The following HDAC8 variants were observed in gnomAD, a reference collection of about 807,000 sequenced individuals.
HDAC8 encodes histone deacetylase 8.
HDAC8 carries 1 observed loss-of-function variant against 32.2 expected under a neutral mutation model. That is an observed-to-expected ratio of 0.03 (90% CI 0.01 to 0.15). HDAC8 has a LOEUF of 0.15. Ranked by LOEUF, HDAC8 falls within the 10% of genes least tolerant of loss-of-function variation. HDAC8 has a pLI of 1.00. For missense variants in HDAC8, 117 were observed against 300.0 expected, an observed-to-expected ratio of 0.39 and a Z score of 4.51; for synonymous variants, 108 against 113.9, an observed-to-expected ratio of 0.95 and a Z score of 0.33.
chrX:72,330,746 T>C, intron 10 of HDAC8: 1 of 112,985 alleles, frequency 8.9e-6, no homozygotes, highest in Non-Finnish European at 1.9e-5. Context: ...AACACTGGGC[T>C]CCAAACCCTA....
At chrX:72,453,708 C>A (rs1555988701) in intron 9 of HDAC8, among the ~76,000 whole-genome samples, 1 of 111,418 alleles carries the variant, frequency 9.0e-6, no homozygotes, top group African/African-American at 3.3e-5. Context: ...CAATGCATCT[C>A]AGACAGGATA....
chrX:72,439,639 CAAA>C (rs782744436), intron 9 of HDAC8, among the ~76,000 whole-genome samples: 4 of 36,218 alleles, frequency 1.1e-4, no homozygotes, highest in Non-Finnish European at 1.7e-4. Flanking sequence ...AAATGGAAAG[CAAA>C]AAAAAAAAAA....
intron 9 of HDAC8, among the ~76,000 whole-genome samples, chrX:72,401,401 A>AT (rs1370442572): frequency 8.2e-5 from 9 of 110,383 alleles, no homozygotes; most frequent in East Asian, 2.8e-4. Context: ...TGCCCAGCTA[A>AT]TTTTTTTTGT....
At chrX:72,441,827 G>A (rs1360703781) in intron 9 of HDAC8, among the ~76,000 whole-genome samples, 2 of 111,846 alleles carry the variant, frequency 1.8e-5, no homozygotes, top group African/African-American at 6.5e-5. Flanking sequence ...AACCAATACA[G>A]AGAAGTGTTT....
At chrX:72,465,467 GTCAAT>G (rs1438043788) in intron 7 of HDAC8, among the ~76,000 whole-genome samples, 1 of 109,222 alleles carries the variant, frequency 9.2e-6, no homozygotes, top group African/African-American at 3.3e-5. Context: ...AAAGGAAGAT[GTCAAT>G]GTGACAGATG....
chrX:72,532,249 A>ATTTTTT (rs34829256), intron 4 of HDAC8, among the ~76,000 whole-genome samples: 28 of 54,190 alleles, frequency 5.2e-4, no homozygotes, highest in Non-Finnish European at 6.5e-4. Flanking sequence ...CGTGTTGGGC[A>ATTTTTT]TTTTTTTTTT....
At chrX:72,451,561 A>G (rs782575173) in intron 9 of HDAC8, among the ~76,000 whole-genome samples, 1 of 112,630 alleles carries the variant, frequency 8.9e-6, no homozygotes, top group Non-Finnish European at 1.9e-5. Flanking sequence ...AAGATACATT[A>G]TATACAGGGA....
At chrX:72,480,923 G>A (rs920304743) in intron 7 of HDAC8, among the ~76,000 whole-genome samples, 1 of 110,462 alleles carries the variant, frequency 9.1e-6, no homozygotes, top group Non-Finnish European at 1.9e-5. Context: ...AGCCAGGGGA[G>A]GGAGAGCCTT....
intron 4 of HDAC8, among the ~76,000 whole-genome samples, chrX:72,500,958 C>G (rs782281520): frequency 8.9e-6 from 1 of 112,029 alleles, no homozygotes; most frequent in South Asian, 3.8e-4. Flanking sequence ...AAATCACTAG[C>G]ATTCCTACAT....
chrX:72,452,204 C>T (rs1365858774), intron 9 of HDAC8, among the ~76,000 whole-genome samples: 1 of 112,156 alleles, frequency 8.9e-6, no homozygotes, highest in Non-Finnish European at 1.9e-5. Flanking sequence ...GCCTGTAATC[C>T]CAGCACTTTG....
chrX:72,484,066 A>C (rs782081857), intron 7 of HDAC8, among the ~76,000 whole-genome samples: 105 of 112,635 alleles, frequency 9.3e-4, no homozygotes, highest in African/African-American at 3.2e-3. Flanking sequence ...TATTTCTCCC[A>C]TAAAAGGAAA....
At chrX:72,528,554 A>G (rs886690843) in intron 4 of HDAC8, among the ~76,000 whole-genome samples, 2 of 112,077 alleles carry the variant, frequency 1.8e-5, no homozygotes, top group Non-Finnish European at 1.9e-5. Flanking sequence ...CTTGGCAGTA[A>G]TGTAGTAGAG....
chrX:72,513,190 T>C (rs1446164862), intron 4 of HDAC8, among the ~76,000 whole-genome samples: 2 of 112,168 alleles, frequency 1.8e-5, no homozygotes, highest in Non-Finnish European at 3.8e-5. Flanking sequence ...CTTCTCAAAC[T>C]AGTTTGCAAT....
chrX:72,558,478 C>G (rs145983625), intron 4 of HDAC8, among the ~76,000 whole-genome samples: 80 of 111,868 alleles, frequency 7.2e-4, no homozygotes, highest in African/African-American at 2.3e-3. Flanking sequence ...GAATTAAAAA[C>G]AAAAATCGCA....
intron 9 of HDAC8, among the ~76,000 whole-genome samples, chrX:72,420,969 G>A (rs896495915): frequency 3.6e-5 from 4 of 110,172 alleles, no homozygotes; most frequent in Non-Finnish European, 7.6e-5. Context: ...TTTGTTTACT[G>A]ATAAGGATGG....
At chrX:72,529,543 C>A (rs782687722) in intron 4 of HDAC8, among the ~76,000 whole-genome samples, 1 of 112,086 alleles carries the variant, frequency 8.9e-6, no homozygotes, top group Non-Finnish European at 1.9e-5. Flanking sequence ...CCTGCCCATA[C>A]CTTGATTTTA....
At chrX:72,331,852 T>G (rs782129749) in intron 10 of HDAC8, among the ~76,000 whole-genome samples, 1 of 111,821 alleles carries the variant, frequency 8.9e-6, no homozygotes, top group Non-Finnish European at 1.9e-5. Context: ...TCATGTAACC[T>G]CAACCACAAT....
chrX:72,519,426 T>C (rs1210532963), intron 4 of HDAC8, among the ~76,000 whole-genome samples: 2 of 112,128 alleles, frequency 1.8e-5, no homozygotes, highest in African/African-American at 6.5e-5. Flanking sequence ...ACCAGCAATG[T>C]ATGAGGGTTC....
In HDAC8 at chrX:72,410,550, C is replaced by T. The variant is rs2046161958; in HGVS notation, c.1005+51454G>A. ...CATTCAATTATAATACAAAAATGAC[C>T]TCTTATCAACCTGGCCTCTCTGTGC... On this transcript the variant is annotated intron_variant, in intron 9 of 10. Coordinates refer to ENST00000373573, the MANE Select transcript of HDAC8 (RefSeq NM_018486.3). Among the ~76,000 whole-genome samples the T allele has an allele frequency of 3.6e-5, 4 of 111,704 alleles. No homozygotes were observed. The South Asian group carries it at 1.5e-3, about 42-fold the overall frequency.
Sources: gnomAD v4.1 joint callset for allele counts (sites outside exome capture counted in the v4.1 genomes callset) on GRCh38, gnomAD v4.1.1 for gene constraint, MANE v1.5 for transcripts, NCBI Gene and HGNC (gene_info 2026-07-23, HGNC 2026-07-21) for gene names.